The following LIX1L variants were observed in gnomAD, a reference collection of about 807,000 sequenced individuals.
LIX1L encodes the protein limb and CNS expressed 1 like.
In LIX1L, 20 loss-of-function variants were observed where a neutral mutation model predicts 34.0. The ratio of observed to expected loss-of-function variants is 0.59; its 90% CI spans 0.41 to 0.85. The LOEUF is 0.85. LIX1L is among the 40% of genes least tolerant of loss of function. LIX1L has a pLI of 0.00. For missense variants in LIX1L, 397 were observed against 447.0 expected, an observed-to-expected ratio of 0.89 and a Z score of 1.01; for synonymous variants, 170 against 187.4, an observed-to-expected ratio of 0.91 and a Z score of 0.76.
chr1:145,950,567 C>T (rs1553759741), intron 1 of LIX1L, among the ~76,000 whole-genome samples: 3 of 151,416 alleles, frequency 2.0e-5, no homozygotes, highest in African/African-American at 4.9e-5. Context: ...AGGGTTTCAC[C>T]GTGTTAGCCA....
At chr1:145,951,209 G>T (rs1419815169) in intron 1 of LIX1L, among the ~76,000 whole-genome samples, 1 of 152,114 alleles carries the variant, frequency 6.6e-6, no homozygotes. Flanking sequence ...GCCACGCCTG[G>T]CTAATTTTTG....
At chr1:145,937,529 T>C (rs2101892950) in intron 4 of LIX1L, 75 bp downstream of exon 4, 2 of 854,088 alleles carry the variant, frequency 2.3e-6, no homozygotes, top group Non-Finnish European at 1.9e-6. Flanking sequence ...AGTTAGGAAT[T>C]AGTAGGAGCC....
At chr1:145,946,222 A>C (rs1285434473) in intron 2 of LIX1L, among the ~76,000 whole-genome samples, 5 of 140,658 alleles carry the variant, frequency 3.6e-5, no homozygotes, top group African/African-American at 1.1e-4. Context: ...TTTTTGAGCC[A>C]GAGTCTCACT....
At position 145,947,827 on chromosome 1, in the gene LIX1L, T is replaced by G. The variant is rs782645547; in HGVS notation, c.293-45A>C. 97 of 1,576,362 alleles carry G rather than the reference T, an allele frequency of 6.2e-5. 1 individual carries two copies. Among genetic ancestry groups the G allele is most frequent in the Non-Finnish European group, 2.3e-5 (26 of 1,146,790 alleles). ...AAGTTCAGCAATGAATGAGAACACCTCCACGTGGTGCTATACTTCAATACA... is the reference window on the plus strand; with the variant it reads ...AAGTTCAGCAATGAATGAGAACACCGCCACGTGGTGCTATACTTCAATACA... On this transcript the variant is annotated intron_variant, in intron 1 of 5. Coordinates refer to ENST00000604000, the MANE Select transcript of LIX1L (RefSeq NM_153713.3).
intron 3 of LIX1L, chr1:145,941,372 C>T (rs1414181134): frequency 6.6e-6 from 1 of 152,008 alleles, no homozygotes; most frequent in Non-Finnish European, 1.5e-5. Context: ...CCTGCCTCGG[C>T]CTCCCGAGTA....
intron 3 of LIX1L, among the ~76,000 whole-genome samples, chr1:145,938,325 C>T (rs1648747281): frequency 6.6e-6 from 1 of 151,962 alleles, no homozygotes; most frequent in South Asian, 2.1e-4. Flanking sequence ...CCTATTGTGT[C>T]TTCTATTGGT....
intron 3 of LIX1L, among the ~76,000 whole-genome samples, chr1:145,940,861 T>G (rs1648888852): frequency 6.6e-6 from 1 of 152,004 alleles, no homozygotes; most frequent in Non-Finnish European, 1.5e-5. Context: ...AATTTTTCTA[T>G]TTTTAGTAGA....
intron 2 of LIX1L, among the ~76,000 whole-genome samples, chr1:145,945,142 C>T (rs1235129471): frequency 6.6e-6 from 1 of 151,516 alleles, no homozygotes; most frequent in South Asian, 2.1e-4. Context: ...ACCAGCCTGG[C>T]CAACATGGTG....
chr1:145,937,158 ATTT>A (rs1648683499), intron 4 of LIX1L, among the ~76,000 whole-genome samples, 173 bp from the exon 5 acceptor site: 3 of 149,760 alleles, frequency 2.0e-5, no homozygotes, highest in Non-Finnish European at 4.4e-5. Flanking sequence ...TTATTTATTT[ATTT>A]ATTTATTTAT....
rs1372240196 is a variant in LIX1L, at chr1:145,948,359, T to C, written c.293-577A>G. On this transcript the variant is annotated intron_variant, in intron 1 of 5. Coordinates refer to ENST00000604000, the MANE Select transcript of LIX1L (RefSeq NM_153713.3). This position sits in a 1 kb window ranked among gnomAD's most constrained non-coding sequence, Gnocchi z 4.0. ...GAGAAGTTAAATAACTTGCCCAAGG[T>C]TATGCCAGGAGAAAGTAGCAGTTTG... Among the ~76,000 whole-genome samples, 4 of 152,202 alleles carry C rather than the reference T, an allele frequency of 2.6e-5. No homozygotes were observed. The highest frequency in any genetic ancestry group is 9.7e-5 in the African/African-American group (4 of 41,438).
At position 145,958,016 on chromosome 1, in the gene LIX1L, T is replaced by G; in HGVS notation, c.-89A>C. 3 of 923,696 alleles carry G rather than the reference T, an allele frequency of 3.2e-6. No homozygotes were observed. The highest frequency in any genetic ancestry group is 4.4e-6 in the Non-Finnish European group (3 of 676,716). The allele number at this position is 923,696 out of a possible 1,614,324, so 57.2% of individuals were successfully genotyped here. On this transcript the variant is annotated 5_prime_UTR_variant, in exon 1 of 6. Coordinates refer to ENST00000604000, the MANE Select transcript of LIX1L (RefSeq NM_153713.3). ...CCCCAGTCAGCTAGCGCCTGGGGAC[T>G]CAGGGCGGTGCCAGGGCCGAACCTT...
chr1:145,942,902 G>A (rs1553758860), intron 2 of LIX1L, 49 bp from the exon 3 acceptor site: 1 of 1,580,816 alleles, frequency 6.3e-7, no homozygotes, highest in South Asian at 1.1e-5. Context: ...GCATATGAGA[G>A]AGAGGAAGGA....
In LIX1L at chr1:145,936,362, A is replaced by C; in HGVS notation, c.962T>G (p.Ile321Ser). The C allele has an allele frequency of 6.2e-7, 1 of 1,614,198 alleles. No homozygotes were observed. The highest frequency in any genetic ancestry group is 8.5e-7 in the Non-Finnish European group (1 of 1,180,046). ...CAACTGCCCAGCAGCCAGCACAAGAATATCTTTCTTCTCCTTGTGGAAGCG... is the reference window on the plus strand; with the variant it reads ...CAACTGCCCAGCAGCCAGCACAAGACTATCTTTCTTCTCCTTGTGGAAGCG... ...ELRFHKEKKD[I>S]LVLAAGQLGN... Residue 321 changes from isoleucine to serine, a missense_variant, in exon 6 of 6, where the codon ATT becomes AGT. Transcript: ENST00000604000.
intron 2 of LIX1L, among the ~76,000 whole-genome samples, chr1:145,945,300 C>CAAA (rs1176595454): frequency 1.1e-4 from 14 of 121,744 alleles, no homozygotes; most frequent in Admixed American, 1.7e-4. Context: ...GACTCTGTCT[C>CAAA]AAAAAAAAAA....
intron 1 of LIX1L, chr1:145,950,265 AG>A (rs1649244800): frequency 6.6e-6 from 1 of 152,362 alleles, no homozygotes; most frequent in Non-Finnish European, 1.5e-5. Context: ...AGGAGACAAC[AG>A]GGAGAGCCTT....
chr1:145,946,835 T>C (rs1553759310), intron 2 of LIX1L, among the ~76,000 whole-genome samples: 1 of 152,172 alleles, frequency 6.6e-6, no homozygotes, highest in East Asian at 1.9e-4. Context: ...ACAAACCATA[T>C]GGAAAACAGA....
Position 145,957,906 on chromosome 1 carries a change from G to A in LIX1L, c.22C>T (p.Arg8Trp). 1 of 1,488,618 alleles carries A rather than the reference G, an allele frequency of 6.7e-7. No individual in the cohort carries two copies. The highest frequency in any genetic ancestry group is 2.4e-5 in the Admixed American group (1 of 41,934). The allele number at this position is 1,488,618 out of a possible 1,614,324, so 92.2% of individuals were successfully genotyped here. A position where few individuals can be genotyped will look rare whatever the true frequency, so the allele number is the denominator to read the frequency against. Residue 8 changes from arginine to tryptophan, a missense_variant, in exon 1 of 6, where the codon CGG becomes TGG. Around this residue, in one of 3 missense-constraint regions of LIX1L, gnomAD observed 207 missense variants for 205.2 expected, o/e 1.01. Coordinates refer to ENST00000604000, the MANE Select transcript of LIX1L (RefSeq NM_153713.3). ...CTGGTGCCCACACCAGGCTGCAGCC[G>A]CTGCGCTCGCATAGTCTCCATCCCG... The part of the protein sequence containing the change: METMRAQ[R>W]LQPGVGTSGR...
At chr1:145,945,371 A>C (rs11580710) in intron 2 of LIX1L, among the ~76,000 whole-genome samples, 2,632 of 152,142 alleles carry the variant, frequency 0.017, 42 homozygotes, top group Non-Finnish European at 0.031. Flanking sequence ...AAATAACAGA[A>C]ATCAAATTAC....
intron 1 of LIX1L, among the ~76,000 whole-genome samples, chr1:145,953,652 T>C (rs114420369): frequency 0.017 from 2,644 of 152,280 alleles, 42 homozygotes; most frequent in Non-Finnish European, 0.031. Flanking sequence ...AACCTGTGAA[T>C]GTGACATTAT....
Sources: gnomAD v4.1 joint callset for allele counts (sites outside exome capture counted in the v4.1 genomes callset) on GRCh38, gnomAD v4.1.1 for gene constraint, gnomAD v4.1.1 regional missense constraint, Gnocchi (gnomAD v3.1) non-coding constraint, MANE v1.5 for transcripts, NCBI Gene and HGNC (gene_info 2026-07-23, HGNC 2026-07-21) for gene names.